Variants in ATP6V0A4 observed in about 807,000 individuals in gnomAD.
ATP6V0A4 encodes the protein V-type proton ATPase 116 kDa subunit a 4.
ATP6V0A4 carries 86 observed loss-of-function variants against 107.3 expected under a neutral mutation model. The observed-to-expected ratio is 0.80, with a 90% CI of 0.67 to 0.96. The LOEUF (loss-of-function observed/expected upper bound fraction) is 0.96, where lower values mean the gene tolerates loss of function less well. Ranked by LOEUF, ATP6V0A4 falls within the 40% of genes least tolerant of loss-of-function variation. The pLI is 0.00. For missense variants in ATP6V0A4, 908 were observed against 1,045.6 expected (o/e 0.87, Z 1.81); for synonymous variants, 353 against 381.4 (o/e 0.93, Z 0.87).
At chr7:138,756,207 T>G (rs557119956) in intron 9 of ATP6V0A4, among the ~76,000 whole-genome samples, 77 of 152,206 alleles carry the variant, frequency 5.1e-4, no homozygotes, top group Admixed American at 1.3e-4. Context: ...TGATGAAAAG[T>G]CTCAGATGGA....
intron 11 of ATP6V0A4, 25 bp downstream of exon 11, chr7:138,752,600 C>T (rs376531786): frequency 4.5e-4 from 728 of 1,611,548 alleles, no homozygotes; most frequent in Non-Finnish European, 5.8e-4. Flanking sequence ...TCATCGGACC[C>T]CTCCTGGCTC....
intron 10 of ATP6V0A4, among the ~76,000 whole-genome samples, chr7:138,754,448 CAAA>C (rs978640948): frequency 4.1e-5 from 3 of 73,514 alleles, no homozygotes; most frequent in African/African-American, 4.9e-5. Flanking sequence ...AACTCCATCT[CAAA>C]AAAAAAAAAA....
Position 138,768,996 on chromosome 7 carries a change from G to A in ATP6V0A4, c.197-122C>T, listed in dbSNP as rs1393474575. 3.2e-6 allele frequency: 5 copies of A among 1,571,892 alleles called. No homozygotes were observed. In the East Asian group the frequency reaches 9.3e-5, roughly 29 times the overall value. On this transcript the variant is annotated intron_variant, in intron 4 of 21. Coordinates refer to ENST00000310018, the MANE Select transcript of ATP6V0A4 (RefSeq NM_020632.3). Reference sequence around the variant, plus strand: ...AGCTACCTGAATTGTCCTAGGAGCTGCCACAGCACCTGGATCCCACCCCCA... The same window carrying A: ...AGCTACCTGAATTGTCCTAGGAGCTACCACAGCACCTGGATCCCACCCCCA...
intron 19 of ATP6V0A4, among the ~76,000 whole-genome samples, chr7:138,719,254 G>C (rs1804307696): frequency 6.6e-6 from 1 of 152,112 alleles, no homozygotes; most frequent in Non-Finnish European, 1.5e-5. Flanking sequence ...GCTCCTGGGA[G>C]GTAACCTCTA....
chr7:138,775,808 G>C (rs536067086), intron 2 of ATP6V0A4, among the ~76,000 whole-genome samples: 1 of 151,840 alleles, frequency 6.6e-6, no homozygotes, highest in African/African-American at 2.4e-5. Context: ...CCGCCACCAC[G>C]CCCAGCTAAT....
chr7:138,739,677 G>T, intron 14 of ATP6V0A4, 44 bp from the exon 15 acceptor site: 1 of 1,609,512 alleles, frequency 6.2e-7, no homozygotes. Context: ...GATCAACCGG[G>T]GCAGAAAAGA....
chr7:138,763,120 G>GA, intron 5 of ATP6V0A4, 95 bp from the exon 6 acceptor site: 1 of 1,546,688 alleles, frequency 6.5e-7, no homozygotes, highest in South Asian at 1.2e-5. Context: ...AAAATCAAAG[G>GA]AATCAGCACA....
At chr7:138,741,790 CT>C (rs1444617435) in intron 14 of ATP6V0A4, among the ~76,000 whole-genome samples, 3 of 152,202 alleles carry the variant, frequency 2.0e-5, no homozygotes, top group African/African-American at 7.2e-5. Context: ...TTTCAGTGGT[CT>C]TTCAACCATC....
At chr7:138,748,707 A>C (rs902448029) in intron 12 of ATP6V0A4, among the ~76,000 whole-genome samples, 8 of 152,160 alleles carry the variant, frequency 5.3e-5, no homozygotes, top group Non-Finnish European at 8.8e-5. Flanking sequence ...AACCCAGCCT[A>C]CACCTTTATT....
chr7:138,764,108 T>A (rs913372184), intron 5 of ATP6V0A4, among the ~76,000 whole-genome samples: 5 of 151,234 alleles, frequency 3.3e-5, no homozygotes, highest in Non-Finnish European at 7.4e-5. Flanking sequence ...TTAGAGAAAA[T>A]TTTTTAACAT....
chr7:138,711,068 C>T (rs1335329970), intron 20 of ATP6V0A4, among the ~76,000 whole-genome samples: 2 of 152,092 alleles, frequency 1.3e-5, no homozygotes, highest in Non-Finnish European at 2.9e-5. Context: ...GTTCCTATGA[C>T]ACCACCGTCC....
chr7:138,727,316 C>T (rs1179241999), intron 18 of ATP6V0A4, among the ~76,000 whole-genome samples: 1 of 151,958 alleles, frequency 6.6e-6, no homozygotes, highest in Non-Finnish European at 1.5e-5. Context: ...ACAAAAAAAA[C>T]TTGCATCTAC....
At chr7:138,792,166 G>A (rs566239052) in intron 1 of ATP6V0A4, among the ~76,000 whole-genome samples, 1 of 152,096 alleles carries the variant, frequency 6.6e-6, no homozygotes, top group Non-Finnish European at 1.5e-5. Context: ...AACTTAGCTG[G>A]GCGTGGTGGC....
Position 138,756,519 on chromosome 7 carries a change from T to G in ATP6V0A4, c.661A>C (p.Ile221Leu). The G allele has an allele frequency of 1.2e-6, 2 of 1,611,794 alleles. No homozygotes were observed. The highest frequency in any genetic ancestry group is 1.7e-6 in the Non-Finnish European group (2 of 1,179,212). Residue 221 changes from isoleucine (I) to leucine (L), a missense_variant, in exon 9 of 22, where the codon ATA (isoleucine) becomes CTA (leucine). Physicochemically the swap from Ile to Leu is conservative, Grantham distance 5 (BLOSUM62 2). Coordinates refer to ENST00000310018, the MANE Select transcript of ATP6V0A4 (RefSeq NM_020632.3). ...TCTCCTTGGTAAAATATGATGAATA[T>G]GTTCTTCTGAATTTCTTCTTTCTGG... ...PVTKEEIQKN[I>L]FIIFYQGEQL...
In ATP6V0A4 at chr7:138,744,255, T is replaced by TC. The variant is rs1355922022; in HGVS notation, c.1478+867dup. 1.1e-3 allele frequency among the ~76,000 whole-genome samples: 153 copies of TC among 139,678 alleles called. 1 individual carries two copies. Among genetic ancestry groups the TC allele is most frequent in the African/African-American group, 3.3e-3 (133 of 39,984 alleles). 91.6% of individuals were successfully genotyped at this position (139,678 alleles called of 152,430 possible). ...CTCATCTGCTTTTTTTTTTTTTTTT[T>TC]CAGTTGGAGTCTTGCTCTGTTGCCC... On this transcript the variant is annotated intron_variant, in intron 14 of 21. Coordinates refer to ENST00000310018, the MANE Select transcript of ATP6V0A4 (RefSeq NM_020632.3).
At chr7:138,772,729 G>A (rs73166968) in intron 2 of ATP6V0A4, among the ~76,000 whole-genome samples, 5 of 152,132 alleles carry the variant, frequency 3.3e-5, no homozygotes, top group African/African-American at 7.2e-5. Flanking sequence ...GCCAGGGAAC[G>A]GAGCCCTGGT....
In ATP6V0A4 at chr7:138,752,650, A is replaced by T; in HGVS notation, c.1004T>A (p.Ile335Asn). Residue 335 changes from isoleucine (I) to asparagine (N), a missense_variant, in exon 11 of 22, where the codon ATC (isoleucine) becomes AAC (asparagine). Coordinates refer to ENST00000310018, the MANE Select transcript of ATP6V0A4 (RefSeq NM_020632.3). ...CATGCCTTGCTCCAGTGCCCTCTTG[A>T]TACGTGTGGCATCTGCCACCGGGAA... The part of the protein sequence containing the change: ...IWFPVADATR[I>N]KRALEQGMEL... 6.2e-7 allele frequency: 1 copy of T among 1,613,648 alleles called. No homozygotes were observed. Among genetic ancestry groups the T allele is most frequent in the Non-Finnish European group, 8.5e-7 (1 of 1,179,856 alleles).
Position 138,791,120 on chromosome 7 carries a change from A to G in ATP6V0A4, c.-120-4860T>C, listed in dbSNP as rs530394275. ...TCCCCTCTGTTTATGAAGATGAAAAACAGGACTGAATAGTTTGGCAGAAAA... is the reference window on the plus strand; with the variant it reads ...TCCCCTCTGTTTATGAAGATGAAAAGCAGGACTGAATAGTTTGGCAGAAAA... On this transcript the variant is annotated intron_variant, in intron 1 of 21. Transcript: ENST00000310018. 2.6e-5 allele frequency among the ~76,000 whole-genome samples: 4 copies of G among 152,282 alleles called. No homozygotes were observed. The South Asian group carries it at 8.3e-4, about 32-fold the overall frequency.
intron 2 of ATP6V0A4, among the ~76,000 whole-genome samples, chr7:138,776,015 T>C (rs1584945116): frequency 6.6e-6 from 1 of 152,150 alleles, no homozygotes; most frequent in Non-Finnish European, 1.5e-5. Flanking sequence ...TATCACTATG[T>C]TGCCCAGGCT....
Sources: gnomAD v4.1 joint callset for allele counts (sites outside exome capture counted in the v4.1 genomes callset) on GRCh38, gnomAD v4.1.1 for gene constraint, MANE v1.5 for transcripts, NCBI Gene and HGNC (gene_info 2026-07-23, HGNC 2026-07-21) for gene names.